KIRREL3: variants seen among roughly 807,000 people sequenced by gnomAD.
The protein encoded by KIRREL3 is kirre like nephrin family adhesion molecule 3, also known as kin of IRRE-like protein 3.
KIRREL3 carries 36 observed loss-of-function variants against 89.7 expected under a neutral mutation model. The observed-to-expected ratio is 0.40, with a 90% CI of 0.31 to 0.53. The LOEUF is 0.53. Ranked by LOEUF, KIRREL3 falls within the 20% of genes least tolerant of loss-of-function variation. The pLI is 0.49. For synonymous variants in KIRREL3, 445 were observed against 441.4 expected (o/e 1.01, Z -0.10); for missense variants, 864 against 1,056.6 (o/e 0.82, Z 2.53).
At position 126,807,820 on chromosome 11, in the gene KIRREL3, C is replaced by G. The variant is rs1280206583; in HGVS notation, c.55+192635G>C. ...TCGCTGATGTAGTGTTTACCCACTA[C>G]CAGGCACTCTGTTAGGCACTTTACA... On this transcript the variant is annotated intron_variant, in intron 1 of 16. Coordinates refer to ENST00000525144, the MANE Select transcript of KIRREL3 (RefSeq NM_032531.4). This position sits in a 1 kb window ranked among gnomAD's most constrained non-coding sequence, Gnocchi z 4.3. Among the ~76,000 whole-genome samples, 1 of 152,168 alleles carries G rather than the reference C, an allele frequency of 6.6e-6. No homozygotes were observed. The highest frequency in any genetic ancestry group is 1.5e-5 in the Non-Finnish European group (1 of 68,034).
At chr11:126,765,422 C>T (rs998171448) in intron 1 of KIRREL3, among the ~76,000 whole-genome samples, 2 of 152,150 alleles carry the variant, frequency 1.3e-5, no homozygotes, top group Non-Finnish European at 2.9e-5. Flanking sequence ...CACTGCCATG[C>T]CTGCTCAACC....
At chr11:126,466,349 CCTCCTGGGCCCCTAGCTCGCGG>C (rs1280250221) in intron 5 of KIRREL3, among the ~76,000 whole-genome samples, 5 of 152,272 alleles carry the variant, frequency 3.3e-5, no homozygotes, top group African/African-American at 1.2e-4. Context: ...GGTCCCAGCA[CCTCCTGGGCCCCTAGCTCGCGG>C]GGGACCCCAG....
intron 1 of KIRREL3, among the ~76,000 whole-genome samples, chr11:126,932,192 G>T (rs553346134): frequency 2.0e-5 from 3 of 152,206 alleles, no homozygotes; most frequent in African/African-American, 7.2e-5. Flanking sequence ...GTTTGTCTCC[G>T]ACAAGAAAGG....
chr11:126,510,782 G>A (rs117551317), intron 4 of KIRREL3, among the ~76,000 whole-genome samples: 1,858 of 152,262 alleles, frequency 0.012, 9 homozygotes, highest in South Asian at 0.02. Context: ...TTAGACTTCA[G>A]GGACTTTGCA....
rs1948833347 is a variant in KIRREL3 at position 126,953,603 on chromosome 11, C to T, written c.55+46852G>A. 8.5e-6 allele frequency among the ~76,000 whole-genome samples: 1 copy of T among 117,388 alleles called. No homozygotes were observed. Among genetic ancestry groups the T allele is most frequent in the Non-Finnish European group, 1.7e-5 (1 of 57,958 alleles). The allele number at this position is 117,388 out of a possible 152,430, so 77.0% of individuals were successfully genotyped here. The stretch of plus-strand genomic sequence containing the variant: ...TGTGGATCAAATACACACACACACA[C>T]TTGGGAGAGATAGAGAGACAGAGAG... On this transcript the variant is annotated intron_variant, in intron 1 of 16. Transcript: ENST00000525144. This position sits in a 1 kb window ranked among gnomAD's most constrained non-coding sequence, Gnocchi z 5.2.
chr11:126,620,315 A>C lies in KIRREL3; in HGVS notation c.56-57403T>G, dbSNP rs1257763004. 6.6e-6 allele frequency among the ~76,000 whole-genome samples: 1 copy of C among 152,182 alleles called. No individual in the cohort carries two copies. The highest frequency in any genetic ancestry group is 1.5e-5 in the Non-Finnish European group (1 of 68,022). ...TTATCTTGATCATTCTTTATCAGCAAATCTCTTGCTTGTCCATGTCCTTAT... is the reference window on the plus strand; with the variant it reads ...TTATCTTGATCATTCTTTATCAGCACATCTCTTGCTTGTCCATGTCCTTAT... On this transcript the variant is annotated intron_variant, in intron 1 of 16. Coordinates refer to ENST00000525144, the MANE Select transcript of KIRREL3 (RefSeq NM_032531.4). This position sits in a 1 kb window ranked among gnomAD's most constrained non-coding sequence, Gnocchi z 4.8.
intron 1 of KIRREL3, among the ~76,000 whole-genome samples, chr11:126,762,256 C>T (rs1278462793): frequency 6.6e-6 from 1 of 152,144 alleles, no homozygotes; most frequent in Admixed American, 6.5e-5. Flanking sequence ...ACTCATCTTT[C>T]CTTTTGCAGA....
At position 126,526,487 on chromosome 11, in the gene KIRREL3, G is replaced by T. The variant is rs1192740545; in HGVS notation, c.283+51C>A. On this transcript the variant is annotated intron_variant, in intron 3 of 16. Transcript: ENST00000525144. This position sits in a 1 kb window ranked among gnomAD's most constrained non-coding sequence, Gnocchi z 5.7. ...GCTCCCTAGGAAGGTGGATGGGTGAGTAAGGAAGTGATGGCCCCAGGCCCA... is the reference window on the plus strand; with the variant it reads ...GCTCCCTAGGAAGGTGGATGGGTGATTAAGGAAGTGATGGCCCCAGGCCCA... 6.4e-7 allele frequency: 1 copy of T among 1,566,250 alleles called. No homozygotes were observed. The highest frequency in any genetic ancestry group is 2.3e-5 in the East Asian group (1 of 43,642).
intron 1 of KIRREL3, among the ~76,000 whole-genome samples, chr11:126,749,896 T>A (rs1949280243): frequency 6.6e-6 from 1 of 152,178 alleles, no homozygotes; most frequent in Non-Finnish European, 1.5e-5. Context: ...ATTTTCTACG[T>A]GTGGAGACCG....
rs2134209077 is a variant in KIRREL3, at chr11:126,736,980, A to G, written c.56-174068T>C. 6.6e-6 allele frequency among the ~76,000 whole-genome samples: 1 copy of G among 152,340 alleles called. No homozygotes were observed. The highest frequency in any genetic ancestry group is 1.9e-4 in the East Asian group (1 of 5,174). ...GGTTACATCAGAAAACTTTATTCTC[A>G]GGGGCAGTGCCCTTATTTAGATTTC... On this transcript the variant is annotated intron_variant, in intron 1 of 16. Transcript: ENST00000525144. The surrounding 1 kb of genome is among the most constrained non-coding windows in gnomAD (Gnocchi z 5.0).
At chr11:126,961,058 C>T (rs1949070299) in intron 1 of KIRREL3, among the ~76,000 whole-genome samples, 1 of 152,162 alleles carries the variant, frequency 6.6e-6, no homozygotes, top group African/African-American at 2.4e-5. Flanking sequence ...GGTGTGTGTT[C>T]TGACTGCTCC....
In KIRREL3 at chr11:126,993,859, C is replaced by CTCAGATT. The variant is rs1254199312; in HGVS notation, c.55+6589_55+6595dup. ...GTTTGTTATTGCTGCAACTCTTGGC[C>CTCAGATT]TCAGATTTCAGATTCCAGTTGTCCA... On this transcript the variant is annotated intron_variant, in intron 1 of 16. Coordinates refer to ENST00000525144, the MANE Select transcript of KIRREL3 (RefSeq NM_032531.4). The surrounding 1 kb of genome is among the most constrained non-coding windows in gnomAD (Gnocchi z 6.1). Among the ~76,000 whole-genome samples, 1 of 152,116 alleles carries CTCAGATT rather than the reference C, an allele frequency of 6.6e-6. No homozygotes were observed.
At chr11:126,934,715 C>T (rs545018715) in intron 1 of KIRREL3, among the ~76,000 whole-genome samples, 13 of 152,172 alleles carry the variant, frequency 8.5e-5, no homozygotes, top group African/African-American at 3.1e-4. Context: ...CCAAAATATA[C>T]AAAGAACTCT....
chr11:126,889,220 C>T (rs1021636354), intron 1 of KIRREL3, among the ~76,000 whole-genome samples: 13 of 151,880 alleles, frequency 8.6e-5, no homozygotes, highest in Admixed American at 4.6e-4. Context: ...TTCCCTCCCC[C>T]TCTTTATTCT....
intron 5 of KIRREL3, among the ~76,000 whole-genome samples, chr11:126,467,308 G>A (rs991336862): frequency 6.6e-5 from 10 of 152,156 alleles, no homozygotes; most frequent in African/African-American, 2.2e-4. Flanking sequence ...CCCCAGCACC[G>A]GCCTGGGAGG....
chr11:126,437,735 C>T (rs749191085), intron 11 of KIRREL3, among the ~76,000 whole-genome samples: 4 of 152,214 alleles, frequency 2.6e-5, no homozygotes, highest in Non-Finnish European at 5.9e-5. Flanking sequence ...CACATGCACA[C>T]ACACACCAAG....
intron 4 of KIRREL3, among the ~76,000 whole-genome samples, chr11:126,493,727 G>A (rs914274013): frequency 1.3e-5 from 2 of 149,016 alleles, no homozygotes; most frequent in African/African-American, 2.5e-5. Context: ...TTTCCCTACA[G>A]CCCCCCTCAC....
chr11:126,489,079 T>A lies in KIRREL3; in HGVS notation c.434-15613A>T, dbSNP rs1168578229. Among the ~76,000 whole-genome samples, 1 of 152,124 alleles carries A rather than the reference T, an allele frequency of 6.6e-6. No individual in the cohort carries two copies. The highest frequency in any genetic ancestry group is 2.4e-5 in the African/African-American group (1 of 41,426). ...ACCTCCACTAGACTGCGCTTAGGCATCTGGAGCGCAGCAGTCAGTCTCATC... is the reference window on the plus strand; with the variant it reads ...ACCTCCACTAGACTGCGCTTAGGCAACTGGAGCGCAGCAGTCAGTCTCATC... On this transcript the variant is annotated intron_variant, in intron 4 of 16. Coordinates refer to ENST00000525144, the MANE Select transcript of KIRREL3 (RefSeq NM_032531.4). This position sits in a 1 kb window ranked among gnomAD's most constrained non-coding sequence, Gnocchi z 5.5.
chr11:126,543,794 C>G (rs530899558), intron 2 of KIRREL3, among the ~76,000 whole-genome samples: 13 of 152,216 alleles, frequency 8.5e-5, no homozygotes, highest in Admixed American at 8.5e-4. Context: ...TCCTGTGTGG[C>G]CTTATTCAGA....
Sources: gnomAD v4.1 joint callset for allele counts (sites outside exome capture counted in the v4.1 genomes callset) on GRCh38, gnomAD v4.1.1 for gene constraint, Gnocchi (gnomAD v3.1) non-coding constraint, MANE v1.5 for transcripts, NCBI Gene and HGNC (gene_info 2026-07-23, HGNC 2026-07-21) for gene names.